The following ANK2 variants were observed in gnomAD, a reference collection of about 807,000 sequenced individuals.
ANK2 encodes ankyrin-2.
In ANK2, 83 loss-of-function variants were observed where a neutral mutation model predicts 360.5. The observed-to-expected ratio is 0.23, with a 90% CI of 0.19 to 0.28. ANK2 has a LOEUF of 0.28. ANK2 is among the 10% of genes least tolerant of loss of function. The probability of loss-of-function intolerance (pLI) is 1.00; values close to 1 mark genes in which losing one functional copy is unlikely to be tolerated. For missense variants in ANK2, 4,201 were observed against 4,795.7 expected (o/e 0.88, Z 3.66); for synonymous variants, 1,740 against 1,759.5 (o/e 0.99, Z 0.28).
intron 31 of ANK2, among the ~76,000 whole-genome samples, chr4:113,337,064 C>T (rs1329982231): frequency 6.6e-6 from 1 of 152,148 alleles, no homozygotes; most frequent in Non-Finnish European, 1.5e-5. Flanking sequence ...AGAAGGAAAC[C>T]ATGGTTGAAA....
intron 1 of ANK2, among the ~76,000 whole-genome samples, chr4:113,134,281 CTTTTTTTTTT>C (rs5861124): frequency 1.0e-3 from 89 of 86,096 alleles, no homozygotes; most frequent in African/African-American, 2.8e-3. Context: ...TGAAAGTTGT[CTTTTTTTTTT>C]TTTTTTTTTT....
intron 1 of ANK2, among the ~76,000 whole-genome samples, chr4:113,118,572 C>G (rs1396715716): frequency 6.6e-6 from 1 of 152,112 alleles, no homozygotes; most frequent in Non-Finnish European, 1.5e-5. Flanking sequence ...GATCAAATGA[C>G]TGTTACTAGG....
intron 28 of ANK2, 37 bp downstream of exon 28, chr4:113,332,107 C>T (rs749568253): frequency 3.9e-6 from 6 of 1,520,382 alleles, no homozygotes; most frequent in Non-Finnish European, 5.5e-6. Flanking sequence ...GGCTGCTGGC[C>T]CCCCATTCTT....
At chr4:112,912,068 T>A (rs2087720702) in intron 2 of ANK2, among the ~76,000 whole-genome samples, 1 of 151,886 alleles carries the variant, frequency 6.6e-6, no homozygotes, top group Non-Finnish European at 1.5e-5. Flanking sequence ...TCCCAGCTAC[T>A]CGGGAGGCTG....
intron 1 of ANK2, among the ~76,000 whole-genome samples, chr4:113,098,445 G>A (rs10049545): frequency 0.48 from 72,848 of 151,116 alleles, 18,463 homozygotes; most frequent in African/African-American, 0.63. Flanking sequence ...CTAAGATGAA[G>A]TGGACTAATT....
At chr4:113,362,564 C>G (rs762149075) in intron 39 of ANK2, among the ~76,000 whole-genome samples, 1 of 152,276 alleles carries the variant, frequency 6.6e-6, no homozygotes, top group South Asian at 2.1e-4. Context: ...CCTGCCCCAG[C>G]CTCCTGAGTA....
chr4:113,051,573 A>C (rs768395416), intron 1 of ANK2, among the ~76,000 whole-genome samples: 5 of 152,198 alleles, frequency 3.3e-5, no homozygotes, highest in African/African-American at 9.6e-5. Flanking sequence ...ATGAATATTG[A>C]GTGTTAAAAG....
At chr4:112,946,084 AT>A (rs1377527364) in intron 2 of ANK2, among the ~76,000 whole-genome samples, 2 of 152,164 alleles carry the variant, frequency 1.3e-5, no homozygotes, top group Non-Finnish European at 2.9e-5. Flanking sequence ...TTGTTTTTAA[AT>A]TAGTGATTTT....
At chr4:113,256,957 A>T (rs1376192622) in intron 11 of ANK2, among the ~76,000 whole-genome samples, 2 of 152,256 alleles carry the variant, frequency 1.3e-5, no homozygotes, top group Non-Finnish European at 2.9e-5. Context: ...CAGCCTGTTA[A>T]TTGCAAATAT....
Position 113,220,579 on chromosome 4 carries a change from G to A in ANK2, c.385-11582G>A, listed in dbSNP as rs112393798. Among the ~76,000 whole-genome samples, 992 of 151,454 alleles carry A rather than the reference G, an allele frequency of 6.5e-3. 8 individuals are homozygous for A. Among genetic ancestry groups the A allele is most frequent in the African/African-American group, 0.023 (950 of 41,252 alleles). Reference sequence around the variant, plus strand: ...CATTTGCTTTCTTATTTTTTGTTTGGAAATCCAAAGACATAAAAAACAGAA... The same window carrying A: ...CATTTGCTTTCTTATTTTTTGTTTGAAAATCCAAAGACATAAAAAACAGAA... On this transcript the variant is annotated intron_variant, in intron 4 of 45. Coordinates refer to ENST00000357077, the MANE Select transcript of ANK2 (RefSeq NM_001148.6).
At chr4:112,757,676 T>G in the ANK2 span, among the ~76,000 whole-genome samples, 1 of 152,210 alleles carries the variant, frequency 6.6e-6, no homozygotes, top group Non-Finnish European at 1.5e-5. Context: ...GATTATGAGT[T>G]CTTGTAAATT....
chr4:113,295,643 C>G (rs1444083856), intron 22 of ANK2, among the ~76,000 whole-genome samples: 1 of 152,106 alleles, frequency 6.6e-6, no homozygotes, highest in Non-Finnish European at 1.5e-5. Flanking sequence ...TCAAAAGTCG[C>G]TATACTTAGA....
the ANK2 span, among the ~76,000 whole-genome samples, chr4:112,799,816 C>T: frequency 7.7e-6 from 1 of 129,072 alleles, no homozygotes; most frequent in African/African-American, 3.0e-5. Context: ...CCGCGCCCAG[C>T]CCACCTCTTT....
intron 1 of ANK2, among the ~76,000 whole-genome samples, chr4:113,091,547 T>C (rs4834314): frequency 0.8 from 122,025 of 152,220 alleles, 49,218 homozygotes; most frequent in African/African-American, 0.88. Flanking sequence ...GTCTGCAGTT[T>C]TACTTTCTAA....
intron 2 of ANK2, among the ~76,000 whole-genome samples, chr4:112,925,859 GC>G (rs1395959609): frequency 1.3e-5 from 2 of 152,170 alleles, no homozygotes; most frequent in Non-Finnish European, 2.9e-5. Flanking sequence ...AAGGGAGAAA[GC>G]TTTAGTGGTC....
At chr4:113,315,770 G>A (rs1188583224) in intron 24 of ANK2, among the ~76,000 whole-genome samples, 3 of 151,844 alleles carry the variant, frequency 2.0e-5, no homozygotes, top group African/African-American at 7.3e-5. Context: ...GTGGTGGCAG[G>A]CGCCTGTAGT....
intron 20 of ANK2, among the ~76,000 whole-genome samples, chr4:113,289,062 A>T (rs1205239366): frequency 1.3e-5 from 2 of 152,144 alleles, no homozygotes; most frequent in African/African-American, 2.4e-5. Flanking sequence ...ATAACACTTT[A>T]CTTCGTGCAC....
intron 22 of ANK2, among the ~76,000 whole-genome samples, 189 bp from the exon 23 acceptor site, chr4:113,302,578 C>A (rs916796242): frequency 1.5e-4 from 23 of 152,132 alleles, no homozygotes; most frequent in Non-Finnish European, 1.2e-4. Context: ...CATAAATGAT[C>A]ATTTATCTTC....
chr4:113,321,082 G>C (rs2085956397), intron 26 of ANK2, among the ~76,000 whole-genome samples: 1 of 152,186 alleles, frequency 6.6e-6, no homozygotes, highest in Admixed American at 6.5e-5. Flanking sequence ...AGACCTGTCA[G>C]AATTAAATCC....
Sources: allele counts gnomAD v4.1 joint callset (sites outside exome capture counted in the v4.1 genomes callset), GRCh38; gene constraint gnomAD v4.1.1; transcripts MANE v1.5; gene names NCBI Gene and HGNC (gene_info 2026-07-23, HGNC 2026-07-21).